Variants in NTN1 observed in about 807,000 individuals in gnomAD.
NTN1 encodes netrin-1.
Under a neutral mutation model 54.2 loss-of-function variants are expected in NTN1, and 11 were observed. The observed-to-expected ratio is 0.20, with a 90% CI of 0.13 to 0.34. The LOEUF is 0.34. Ranked by LOEUF, NTN1 falls within the 10% of genes least tolerant of loss-of-function variation. NTN1 has a pLI of 1.00. For synonymous variants in NTN1, 371 were observed against 382.0 expected, an observed-to-expected ratio of 0.97 and a Z score of 0.33; for missense variants, 740 against 893.1, an observed-to-expected ratio of 0.83 and a Z score of 2.18.
intron 5 of NTN1, among the ~76,000 whole-genome samples, chr17:9,191,970 G>A (rs1213151586): frequency 1.4e-5 from 2 of 143,326 alleles, no homozygotes; most frequent in African/African-American, 5.2e-5. Flanking sequence ...GCGAGACCCT[G>A]TCTCAAAAAA....
At position 9,022,503 on chromosome 17, in the gene NTN1, G is replaced by C. The variant is rs1382637441; in HGVS notation, c.130G>C (p.Glu44Gln). 6.5e-7 allele frequency: 1 copy of C among 1,544,432 alleles called. No homozygotes were observed. The part of the protein sequence containing the change: ...QAAQPDPCSD[E>Q]NGHPRRCIPD... ...GGCGCAGCCCGATCCCTGCTCGGAC[G>C]AGAACGGCCACCCGCGCCGCTGCAT... The change falls in exon 2 of 7, where the codon GAG (glutamate) becomes CAG (glutamine). Residue 44 changes from glutamate to glutamine, a missense_variant. Transcript: ENST00000173229.
intron 2 of NTN1, among the ~76,000 whole-genome samples, chr17:9,126,204 T>G (rs1248184007): frequency 3.9e-5 from 6 of 152,176 alleles, no homozygotes; most frequent in African/African-American, 1.4e-4. Flanking sequence ...TTTGGTTTGC[T>G]AAGGAAATAA....
At chr17:9,069,509 T>A (rs2092026166) in intron 2 of NTN1, among the ~76,000 whole-genome samples, 1 of 152,240 alleles carries the variant, frequency 6.6e-6, no homozygotes. Context: ...TCACTTTCAC[T>A]GCGTTAAAAA....
chr17:9,162,936 A>G lies in NTN1; in HGVS notation c.1142A>G (p.His381Arg), dbSNP rs1037160564. Residue 381 changes from histidine to arginine, a missense_variant, in exon 3 of 7, where the codon CAT becomes CGT. By Grantham distance (29) the His-to-Arg change is conservative. Transcript: ENST00000173229. Reference protein sequence around the residue: ...CRHNTAGRHCHYCKEGYYRDM... With the variant: ...CRHNTAGRHCRYCKEGYYRDM... ...CACAACACCGCCGGCCGCCACTGCC[A>G]TTACTGCAAGGAGGGCTACTACCGC... The G allele has an allele frequency of 5.6e-6, 9 of 1,613,782 alleles. No individual in the cohort carries two copies. Among genetic ancestry groups the G allele is most frequent in the African/African-American group, 1.3e-5 (1 of 74,912 alleles).
chr17:9,065,830 A>G (rs371383846), intron 2 of NTN1, among the ~76,000 whole-genome samples: 4 of 152,258 alleles, frequency 2.6e-5, no homozygotes, highest in African/African-American at 7.2e-5. Flanking sequence ...CAAGAAAAGA[A>G]GGAAAGCTTA....
chr17:9,139,905 A>G (rs2092292467), intron 2 of NTN1, among the ~76,000 whole-genome samples: 1 of 150,066 alleles, frequency 6.7e-6, no homozygotes, highest in Non-Finnish European at 1.5e-5. Flanking sequence ...CCATTCATCC[A>G]TCATCCATCC....
At chr17:9,231,955 G>C (rs1905830485) in intron 6 of NTN1, among the ~76,000 whole-genome samples, 1 of 152,132 alleles carries the variant, frequency 6.6e-6, no homozygotes, top group Non-Finnish European at 1.5e-5. Flanking sequence ...GGTGGTTCTC[G>C]ATGGCATGTC....
At chr17:9,034,713 G>A (rs1308783136) in intron 2 of NTN1, among the ~76,000 whole-genome samples, 1 of 151,866 alleles carries the variant, frequency 6.6e-6, no homozygotes, top group East Asian at 1.9e-4. Flanking sequence ...GTGAGCCACT[G>A]CGCCTGGCCT....
At chr17:9,234,971 T>C (rs1480793430) in intron 6 of NTN1, among the ~76,000 whole-genome samples, 1 of 149,264 alleles carries the variant, frequency 6.7e-6, no homozygotes, top group Non-Finnish European at 1.5e-5. Flanking sequence ...TTGGTTTTTT[T>C]TTTTTTTTGA....
At chr17:9,014,577 A>G in the NTN1 span, among the ~76,000 whole-genome samples, 2 of 152,182 alleles carry the variant, frequency 1.3e-5, no homozygotes, top group African/African-American at 4.8e-5. Flanking sequence ...ACTGGAACCA[A>G]GGCCTGTCCA....
chr17:9,085,805 C>T (rs1354993720), intron 2 of NTN1, among the ~76,000 whole-genome samples: 1 of 152,148 alleles, frequency 6.6e-6, no homozygotes, highest in Admixed American at 6.6e-5. Context: ...GTGCCAGGAG[C>T]ATTCAAGGCG....
chr17:9,156,511 G>A (rs1597509256), intron 2 of NTN1, among the ~76,000 whole-genome samples: 2 of 152,332 alleles, frequency 1.3e-5, no homozygotes, highest in East Asian at 3.9e-4. Flanking sequence ...ACCAATGTCT[G>A]CTGGATGCTT....
At chr17:9,081,468 T>C (rs931296531) in intron 2 of NTN1, among the ~76,000 whole-genome samples, 2 of 152,170 alleles carry the variant, frequency 1.3e-5, no homozygotes, top group African/African-American at 4.8e-5. Flanking sequence ...TCATTCCATT[T>C]ATCACCAACA....
intron 4 of NTN1, among the ~76,000 whole-genome samples, chr17:9,181,670 G>A (rs550103379): frequency 3.3e-5 from 5 of 152,324 alleles, no homozygotes; most frequent in African/African-American, 1.2e-4. Context: ...GGCCTGAGTA[G>A]CCCATGTCCA....
intron 2 of NTN1, among the ~76,000 whole-genome samples, chr17:9,088,417 G>A (rs1444361311): frequency 6.6e-6 from 1 of 152,112 alleles, no homozygotes; most frequent in East Asian, 1.9e-4. Flanking sequence ...CCCTCTCTGG[G>A]CTTCAGACTC....
In NTN1 at chr17:9,023,270, C is replaced by G; in HGVS notation, c.897C>G (p.Asp299Glu). Residue 299 changes from aspartate (D) to glutamate (E), a missense_variant, in exon 2 of 7, where the codon GAC (aspartate) becomes GAG (glutamate). Coordinates refer to ENST00000173229, the MANE Select transcript of NTN1 (RefSeq NM_004822.3). Reference protein sequence around the residue: ...GHAARCVRDRDDSLVCDCRHN... With the variant: ...GHAARCVRDREDSLVCDCRHN... ...CGGCCCGCTGCGTGCGCGACCGCGA[C>G]GACAGCCTGGTGTGCGACTGCAGGC... The G allele has an allele frequency of 5.8e-6, 9 of 1,560,088 alleles. No individual in the cohort carries two copies. In the South Asian group the frequency reaches 5.8e-5, roughly 10 times the overall value.
At chr17:9,051,534 A>G (rs920375701) in intron 2 of NTN1, among the ~76,000 whole-genome samples, 2 of 152,038 alleles carry the variant, frequency 1.3e-5, no homozygotes, top group Non-Finnish European at 2.9e-5. Context: ...TTAATGGATT[A>G]TTTTTCCTCC....
At chr17:9,207,370 A>T (rs1457369461) in intron 5 of NTN1, among the ~76,000 whole-genome samples, 1 of 152,230 alleles carries the variant, frequency 6.6e-6, no homozygotes, top group East Asian at 1.9e-4. Context: ...TAATACAATA[A>T]AATTGCTTTT....
intron 2 of NTN1, among the ~76,000 whole-genome samples, chr17:9,139,385 C>T (rs1354868204): frequency 6.6e-6 from 1 of 152,194 alleles, no homozygotes; most frequent in African/African-American, 2.4e-5. Context: ...CACCTTCCCT[C>T]ACCTTCATTG....
Sources: gnomAD v4.1 joint callset for allele counts (sites outside exome capture counted in the v4.1 genomes callset) on GRCh38, gnomAD v4.1.1 for gene constraint, MANE v1.5 for transcripts, NCBI Gene and HGNC (gene_info 2026-07-23, HGNC 2026-07-21) for gene names.